The following TAS2R8 variants were observed in gnomAD, a reference collection of about 807,000 sequenced individuals.
TAS2R8 encodes taste receptor type 2 member 8.
For missense variants in TAS2R8, 396 were observed against 358.1 expected (o/e 1.11, Z -0.85); for synonymous variants, 139 against 123.9 (o/e 1.12, Z -0.81).
chr12:10,807,075 A>G lies in TAS2R8; in HGVS notation c.-95T>C. 1 of 1,008,932 alleles carries G rather than the reference A, an allele frequency of 9.9e-7. No individual in the cohort carries two copies. The highest frequency in any genetic ancestry group is 1.5e-6 in the Non-Finnish European group (1 of 689,278). The allele number at this position is 1,008,932 out of a possible 1,614,324, so 62.5% of individuals were successfully genotyped here. ...GCATGATAGATCAATTCTTCGAATC[A>G]TGCAATAATGTTTTCATCTGCTGTT... On this transcript the variant is annotated 5_prime_UTR_variant, in exon 1 of 1. An upstream start codon of the reference 5' UTR is lost. Coordinates refer to ENST00000240615, the MANE Select transcript of TAS2R8 (RefSeq NM_023918.3).
Position 10,807,219 on chromosome 12 carries a change from A to C in TAS2R8, c.-239T>G, listed in dbSNP as rs1948733212. 2.3e-6 allele frequency: 1 copy of C among 431,498 alleles called. No individual in the cohort carries two copies. The highest frequency in any genetic ancestry group is 3.9e-5 in the Admixed American group (1 of 25,466). The allele number at this position is 431,498 out of a possible 1,614,324, so 26.7% of individuals were successfully genotyped here. On this transcript the variant is annotated 5_prime_UTR_variant, in exon 1 of 1. Transcript: ENST00000240615. ...CTTGACTAGTTATTTATAGCCTGGA[A>C]AAATTATAATTATTATCCTTTAGTG...
Position 10,806,139 on chromosome 12 carries a change from T to C in TAS2R8, c.842A>G (p.His281Arg), listed in dbSNP as rs1272487207. Reference sequence around the variant, plus strand: ...ATTTAAAACAATTAAAATAAGTGAGTGACCCAAGGGGTAGAGAATTGCTGC... The same window carrying C: ...ATTTAAAACAATTAAAATAAGTGAGCGACCCAAGGGGTAGAGAATTGCTGC... ...EIAAILYPLG[H>R]SLILIVLNNK... The change falls in exon 1 of 1, where the codon CAC becomes CGC. Residue 281 changes from histidine to arginine, a missense_variant. His to Arg is a conservative substitution (Grantham distance 29, BLOSUM62 0). Transcript: ENST00000240615. 1 of 1,612,758 alleles carries C rather than the reference T, an allele frequency of 6.2e-7. No individual in the cohort carries two copies.
At position 10,806,061 on chromosome 12, in the gene TAS2R8, C is replaced by T. The variant is rs144321747; in HGVS notation, c.920G>A (p.Cys307Tyr). ...VRMLTCRKIACMI is the reference protein window; with the variant it reads ...VRMLTCRKIAYMI ...TATACAGCTAAGATTTCATATCATG[C>T]AGGCAATTTTTCTACATGTCAGCAT... The change falls in exon 1 of 1, where the codon TGC (cysteine) becomes TAC (tyrosine). Residue 307 changes from cysteine to tyrosine, a missense_variant. Physicochemically the swap from Cys to Tyr is radical, Grantham distance 194. Transcript: ENST00000240615. The T allele has an allele frequency of 3.8e-5, 61 of 1,588,338 alleles. No individual in the cohort carries two copies. The African/African-American group carries it at 8.0e-4, about 21-fold the overall frequency.
In TAS2R8 at chr12:10,806,945, T is replaced by C. The variant is rs1352028836; in HGVS notation, c.36A>G (p.Leu12=). Residue 12 remains leucine, a synonymous_variant, in exon 1 of 1, where the codon CTA becomes CTG. Transcript: ENST00000240615. ...TTCCTAGTATGAATTCTCCAGTTAT[T>C]AGGATTATAAAGATGTTATCTGCAG... The part of the protein sequence containing the change: ...FSPADNIFII[L]ITGEFILGIL... 6.2e-7 allele frequency: 1 copy of C among 1,610,614 alleles called. No individual in the cohort carries two copies.
rs1948731670 is a variant in TAS2R8, at chr12:10,807,010, T to C, written c.-30A>G. The C allele has an allele frequency of 1.3e-6, 2 of 1,533,252 alleles. No individual in the cohort carries two copies. The highest frequency in any genetic ancestry group is 1.8e-6 in the Non-Finnish European group (2 of 1,135,034). The allele number at this position is 1,533,252 out of a possible 1,614,324, so 95.0% of individuals were successfully genotyped here. ...GTAGAGAGAACAATCTGATTTCAAA[T>C]ATCACTGTAGATGAGCTAATTTACA... On this transcript the variant is annotated 5_prime_UTR_variant, in exon 1 of 1. In the 5' UTR this introduces an upstream ATG that the reference lacks. Transcript: ENST00000240615.
chr12:10,806,454 T>A lies in TAS2R8; in HGVS notation c.527A>T (p.Lys176Ile). ...RNITEMFHVS[K>I]IPYFEPLTLF... is the part of the protein sequence containing the mutation. Reference sequence around the variant, plus strand: ...AGTCAAGGGTTCAAAGTATGGTATTTTACTCACATGGAACATTTCAGTAAT... The same window carrying A: ...AGTCAAGGGTTCAAAGTATGGTATTATACTCACATGGAACATTTCAGTAAT... The change falls in exon 1 of 1, where the codon AAA (lysine) becomes ATA (isoleucine). Residue 176 changes from lysine to isoleucine, a missense_variant. By Grantham distance (102) the Lys-to-Ile change is moderately radical. Coordinates refer to ENST00000240615, the MANE Select transcript of TAS2R8 (RefSeq NM_023918.3). 1.9e-6 allele frequency: 3 copies of A among 1,613,776 alleles called. No individual in the cohort carries two copies. Among genetic ancestry groups the A allele is most frequent in the Non-Finnish European group, 8.5e-7 (1 of 1,179,834 alleles).
chr12:10,807,147 A>G lies in TAS2R8; in HGVS notation c.-167T>C. On this transcript the variant is annotated 5_prime_UTR_variant, in exon 1 of 1. Coordinates refer to ENST00000240615, the MANE Select transcript of TAS2R8 (RefSeq NM_023918.3). ...CGGAAGTGTTCAGCTCTCCTCTGAA[A>G]TAGGATTGTCTCTACACTCCTGAAG... The G allele has an allele frequency of 1.6e-6, 1 of 618,890 alleles. No individual in the cohort carries two copies. Among genetic ancestry groups the G allele is most frequent in the Non-Finnish European group, 2.7e-6 (1 of 365,844 alleles). 38.3% of individuals were successfully genotyped at this position (618,890 alleles called of 1,614,324 possible). A position where few individuals can be genotyped will look rare whatever the true frequency, so the allele number is the denominator to read the frequency against.
In TAS2R8 at chr12:10,806,752, T is replaced by G. The variant is rs1741790969; in HGVS notation, c.229A>C (p.Thr77Pro). Reference sequence around the variant, plus strand: ...ATGACTATCTGTTGTTTATTTTTTGTATAAACATCTGGGTTCAGTACTATT... The same window carrying G: ...ATGACTATCTGTTGTTTATTTTTTGGATAAACATCTGGGTTCAGTACTATT... Reference protein sequence around the residue: ...IVIVLNPDVYTKNKQQIVIFT... With the variant: ...IVIVLNPDVYPKNKQQIVIFT... The change falls in exon 1 of 1, where the codon ACA (threonine) becomes CCA (proline). Residue 77 changes from threonine to proline, a missense_variant. By Grantham distance (38) the Thr-to-Pro change is conservative. Transcript: ENST00000240615. 6.2e-7 allele frequency: 1 copy of G among 1,613,868 alleles called. No individual in the cohort carries two copies. Among genetic ancestry groups the G allele is most frequent in the Non-Finnish European group, 8.5e-7 (1 of 1,179,878 alleles).
chr12:10,806,251 A>T lies in TAS2R8; in HGVS notation c.730T>A (p.Phe244Ile). 6.2e-7 allele frequency: 1 copy of T among 1,613,196 alleles called. No homozygotes were observed. The highest frequency in any genetic ancestry group is 1.1e-5 in the South Asian group (1 of 90,926). Residue 244 changes from phenylalanine (F) to isoleucine (I), a missense_variant, in exon 1 of 1, where the codon TTT becomes ATT. Coordinates refer to ENST00000240615, the MANE Select transcript of TAS2R8 (RefSeq NM_023918.3). ...IKTMTSFIFF[F>I]FLYYISSILM... is the part of the protein sequence containing the mutation. ...ATAGAAGAAATATAGTATAGGAAAA[A>T]AAAGAAGATAAATGAAGTCATAGTT...
In TAS2R8 at chr12:10,807,070, G is replaced by C; in HGVS notation, c.-90C>G. On this transcript the variant is annotated 5_prime_UTR_variant, in exon 1 of 1. Transcript: ENST00000240615. Reference sequence around the variant, plus strand: ...TTAAAGCATGATAGATCAATTCTTCGAATCATGCAATAATGTTTTCATCTG... The same window carrying C: ...TTAAAGCATGATAGATCAATTCTTCCAATCATGCAATAATGTTTTCATCTG... 1 of 1,037,604 alleles carries C rather than the reference G, an allele frequency of 9.6e-7. No homozygotes were observed. 64.3% of individuals were successfully genotyped at this position (1,037,604 alleles called of 1,614,324 possible).
Position 10,806,685 on chromosome 12 carries a change from A to G in TAS2R8, c.296T>C (p.Ile99Thr). 5.0e-6 allele frequency: 8 copies of G among 1,613,988 alleles called. No homozygotes were observed. The highest frequency in any genetic ancestry group is 1.7e-4 in the Middle Eastern group (1 of 6,060). ...ATAGAAGACATTAAGGCAGGTGGTA[A>G]TCCACATATTTAAGTAGTTGGCAAA... ...WTFANYLNMW[I>T]TTCLNVFYFL... The change falls in exon 1 of 1, where the codon ATT (isoleucine) becomes ACT (threonine). Residue 99 changes from isoleucine to threonine, a missense_variant. Transcript: ENST00000240615.
chr12:10,807,010 TATCACTG>T lies in TAS2R8; in HGVS notation c.-37_-31del. The T allele has an allele frequency of 1.3e-6, 2 of 1,533,370 alleles. No individual in the cohort carries two copies. The highest frequency in any genetic ancestry group is 1.8e-6 in the Non-Finnish European group (2 of 1,135,026). 95.0% of individuals were successfully genotyped at this position (1,533,370 alleles called of 1,614,324 possible). ...GTAGAGAGAACAATCTGATTTCAAA[TATCACTG>T]TAGATGAGCTAATTTACAGGTGACC... On this transcript the variant is annotated 5_prime_UTR_variant, in exon 1 of 1. Coordinates refer to ENST00000240615, the MANE Select transcript of TAS2R8 (RefSeq NM_023918.3).
In TAS2R8 at chr12:10,806,848, C is replaced by T. The variant is rs931275100; in HGVS notation, c.133G>A (p.Asp45Asn). Residue 45 changes from aspartate to asparagine, a missense_variant, in exon 1 of 1, where the codon GAC (aspartate) becomes AAC (asparagine). Transcript: ENST00000240615. ...ATAACTAAATTGGTAAGGATGTAGT[C>T]AACTGTGGAAATCTTTTTCTTCTTA... ...WIKKKKISTV[D>N]YILTNLVIAR... The T allele has an allele frequency of 6.2e-7, 1 of 1,613,750 alleles. No individual in the cohort carries two copies. Among genetic ancestry groups the T allele is most frequent in the Non-Finnish European group, 8.5e-7 (1 of 1,179,878 alleles).
rs531008915 is a variant in TAS2R8 at position 10,807,080 on chromosome 12, A to G, written c.-100T>C. On this transcript the variant is annotated 5_prime_UTR_variant, in exon 1 of 1. Coordinates refer to ENST00000240615, the MANE Select transcript of TAS2R8 (RefSeq NM_023918.3). ...ATAGATCAATTCTTCGAATCATGCA[A>G]TAATGTTTTCATCTGCTGTTATTTC... 2 of 984,492 alleles carry G rather than the reference A, an allele frequency of 2.0e-6. No homozygotes were observed. Among genetic ancestry groups the G allele is most frequent in the African/African-American group, 1.6e-5 (1 of 61,334 alleles). The allele number at this position is 984,492 out of a possible 1,614,324, so 61.0% of individuals were successfully genotyped here.
Position 10,806,590 on chromosome 12 carries a change from G to A in TAS2R8, c.391C>T (p.His131Tyr), listed in dbSNP as rs548535460. The A allele has an allele frequency of 1.2e-6, 2 of 1,613,782 alleles. No individual in the cohort carries two copies. The highest frequency in any genetic ancestry group is 2.7e-5 in the African/African-American group (2 of 74,932). Residue 131 changes from histidine to tyrosine, a missense_variant, in exon 1 of 1, where the codon CAC becomes TAC. His to Tyr is a moderately conservative substitution (Grantham distance 83). Transcript: ENST00000240615. ...GCAAAGCATCCCAGCAGGATCCAGT[G>A]CACCACCATATCAATTTTCCACTTC... ...WLKWKIDMVV[H>Y]WILLGCFAIS...
At position 10,807,098 on chromosome 12, in the gene TAS2R8, G is replaced by A. The variant is rs1268332867; in HGVS notation, c.-118C>T. On this transcript the variant is annotated 5_prime_UTR_variant, in exon 1 of 1. Coordinates refer to ENST00000240615, the MANE Select transcript of TAS2R8 (RefSeq NM_023918.3). ...TCATGCAATAATGTTTTCATCTGCT[G>A]TTATTTCGACGTTGTTATTCTTCCG... The A allele has an allele frequency of 1.2e-5, 10 of 837,648 alleles. No homozygotes were observed. The highest frequency in any genetic ancestry group is 1.8e-5 in the Non-Finnish European group (10 of 546,050). 51.9% of individuals were successfully genotyped at this position (837,648 alleles called of 1,614,324 possible).
In TAS2R8 at chr12:10,806,254, A is replaced by G. The variant is rs1305700077; in HGVS notation, c.727T>C (p.Phe243Leu). 6.2e-7 allele frequency: 1 copy of G among 1,613,188 alleles called. No individual in the cohort carries two copies. Among genetic ancestry groups the G allele is most frequent in the Non-Finnish European group, 8.5e-7 (1 of 1,179,684 alleles). Reference protein sequence around the residue: ...AIKTMTSFIFFFFLYYISSIL... With the variant: ...AIKTMTSFIFLFFLYYISSIL... ...GAAGAAATATAGTATAGGAAAAAAA[A>G]GAAGATAAATGAAGTCATAGTTTTA... Residue 243 changes from phenylalanine to leucine, a missense_variant, in exon 1 of 1, where the codon TTT becomes CTT. By Grantham distance (22) the Phe-to-Leu change is conservative. Coordinates refer to ENST00000240615, the MANE Select transcript of TAS2R8 (RefSeq NM_023918.3).
rs768795139 is a variant in TAS2R8, at chr12:10,806,727, A to G, written c.254T>C (p.Ile85Thr). The G allele has an allele frequency of 1.2e-6, 2 of 1,613,940 alleles. No homozygotes were observed. The highest frequency in any genetic ancestry group is 1.7e-6 in the Non-Finnish European group (2 of 1,179,902). Residue 85 changes from isoleucine (I) to threonine (T), a missense_variant, in exon 1 of 1, where the codon ATT becomes ACT. Transcript: ENST00000240615. ...VYTKNKQQIVIFTFWTFANYL... is the reference protein window; with the variant it reads ...VYTKNKQQIVTFTFWTFANYL... ...GTTGGCAAATGTCCAGAAGGTAAAA[A>G]TGACTATCTGTTGTTTATTTTTTGT...
chr12:10,806,837 A>T lies in TAS2R8; in HGVS notation c.144T>A (p.Leu48=). The stretch of plus-strand genomic sequence containing the variant: ...AAATTCTGGCGATAACTAAATTGGT[A>T]AGGATGTAGTCAACTGTGGAAATCT... ...KKKISTVDYI[L]TNLVIARICL... Residue 48 remains leucine, a synonymous_variant, in exon 1 of 1, where the codon CTT becomes CTA. Transcript: ENST00000240615. The T allele has an allele frequency of 6.2e-7, 1 of 1,613,870 alleles. No homozygotes were observed. The highest frequency in any genetic ancestry group is 8.5e-7 in the Non-Finnish European group (1 of 1,179,890).
Sources: allele counts gnomAD v4.1 joint callset, GRCh38; gene constraint gnomAD v4.1.1; transcripts MANE v1.5; gene names NCBI Gene and HGNC (gene_info 2026-07-23, HGNC 2026-07-21).